Variants in CSMD1 observed in about 807,000 individuals in gnomAD.
CSMD1 encodes the protein CUB and Sushi multiple domains 1, also known as CUB and sushi domain-containing protein 1.
Under a neutral mutation model 417.5 loss-of-function variants are expected in CSMD1, and 213 were observed. That is an observed-to-expected ratio of 0.51 (90% confidence interval 0.46 to 0.57). The LOEUF (loss-of-function observed/expected upper bound fraction) is 0.57, where lower values mean the gene tolerates loss of function less well. Ranked by LOEUF, CSMD1 falls within the 20% of genes least tolerant of loss-of-function variation. The pLI, the probability that CSMD1 is intolerant of heterozygous loss-of-function variation, is 0.00. For missense variants in CSMD1, 6,923 were observed against 4,529.7 expected (o/e 1.53, Z -15.17); for synonymous variants, 2,862 against 1,736.8 (o/e 1.65, Z -16.11).
intron 51 of CSMD1, among the ~76,000 whole-genome samples, chr8:3,019,092 A>AT (rs1809129228): frequency 6.6e-6 from 1 of 152,018 alleles, no homozygotes; most frequent in South Asian, 2.1e-4. Context: ...TAATTTTTGT[A>AT]TTTTTAGTAG....
chr8:4,157,637 G>T (rs752325652), intron 3 of CSMD1, among the ~76,000 whole-genome samples: 1 of 152,156 alleles, frequency 6.6e-6, no homozygotes, highest in Admixed American at 6.5e-5. Flanking sequence ...TTTCAGAACA[G>T]CTCAGACCTC....
intron 1 of CSMD1, among the ~76,000 whole-genome samples, chr8:4,979,299 T>C (rs1421029171): frequency 1.3e-5 from 2 of 152,216 alleles, no homozygotes. Flanking sequence ...GCTTTTTACA[T>C]GTGTTTCTTC....
In CSMD1 at chr8:3,682,607, G is replaced by C. The variant is rs536630508; in HGVS notation, c.1009+25807C>G. Among the ~76,000 whole-genome samples, 201 of 152,292 alleles carry C rather than the reference G, an allele frequency of 1.3e-3. 2 individuals are homozygous for C. The highest frequency in any genetic ancestry group is 4.6e-3 in the African/African-American group (193 of 41,562). ...ACACTGTTGGTGGGACTGTAAACTA[G>C]TTCAACCATTGTGGAAGACAGTGTG... On this transcript the variant is annotated intron_variant, in intron 7 of 69. Coordinates refer to ENST00000635120, the MANE Select transcript of CSMD1 (RefSeq NM_033225.6).
At chr8:4,554,789 C>A (rs1178461082) in intron 2 of CSMD1, among the ~76,000 whole-genome samples, 1 of 152,200 alleles carries the variant, frequency 6.6e-6, no homozygotes, top group Non-Finnish European at 1.5e-5. Flanking sequence ...CATGAGCCAG[C>A]AGCGTCCGTC....
chr8:3,349,556 CG>C (rs1340073971), intron 21 of CSMD1, among the ~76,000 whole-genome samples: 1 of 151,016 alleles, frequency 6.6e-6, no homozygotes, highest in Non-Finnish European at 1.5e-5. Context: ...AGTGTTGAGG[CG>C]GAAGTGCAGG....
chr8:4,716,793 G>A (rs1050129443), intron 1 of CSMD1, among the ~76,000 whole-genome samples: 2 of 152,074 alleles, frequency 1.3e-5, no homozygotes, highest in South Asian at 2.1e-4. Context: ...TCAGTGTCTC[G>A]CCTTTTTCCT....
chr8:4,040,444 G>A (rs780320908), intron 3 of CSMD1, among the ~76,000 whole-genome samples: 2 of 152,186 alleles, frequency 1.3e-5, no homozygotes, highest in African/African-American at 2.4e-5. Context: ...ACTGGTAGTA[G>A]AGCTTGCATA....
At chr8:4,803,409 C>A (rs1392656224) in intron 1 of CSMD1, among the ~76,000 whole-genome samples, 3 of 152,148 alleles carry the variant, frequency 2.0e-5, no homozygotes, top group African/African-American at 7.2e-5. Context: ...GATACCCAGT[C>A]TAGATTTGTC....
chr8:3,286,605 T>C (rs962900894), intron 25 of CSMD1, among the ~76,000 whole-genome samples: 1 of 151,980 alleles, frequency 6.6e-6, no homozygotes, highest in Non-Finnish European at 1.5e-5. Flanking sequence ...TCATATGTTT[T>C]TTGGCTGCAT....
At chr8:3,941,250 G>A (rs1260282636) in intron 5 of CSMD1, among the ~76,000 whole-genome samples, 1 of 152,066 alleles carries the variant, frequency 6.6e-6, no homozygotes, top group Non-Finnish European at 1.5e-5. Context: ...TAAACATTTA[G>A]CTGAAACCTG....
chr8:3,794,286 G>C (rs149032240), intron 5 of CSMD1, among the ~76,000 whole-genome samples: 3 of 152,192 alleles, frequency 2.0e-5, no homozygotes, highest in South Asian at 2.1e-4. Context: ...AGTATTCCTA[G>C]GTGTAGCGAC....
chr8:4,830,326 C>A (rs1243220149), intron 1 of CSMD1, among the ~76,000 whole-genome samples: 2 of 152,194 alleles, frequency 1.3e-5, no homozygotes, highest in Non-Finnish European at 2.9e-5. Context: ...TTTCTCACTG[C>A]CAGCATCTAC....
At chr8:3,326,800 GCTTT>G (rs1479068730) in intron 23 of CSMD1, among the ~76,000 whole-genome samples, 1 of 152,078 alleles carries the variant, frequency 6.6e-6, no homozygotes, top group Non-Finnish European at 1.5e-5. Flanking sequence ...TATTTTATAG[GCTTT>G]CTTTTCTTAT....
chr8:4,659,443 G>A (rs1430361964), intron 1 of CSMD1, among the ~76,000 whole-genome samples: 1 of 152,130 alleles, frequency 6.6e-6, no homozygotes, highest in Non-Finnish European at 1.5e-5. Flanking sequence ...GACTTGCAGT[G>A]GAATACCACT....
At chr8:4,037,880 A>G (rs1032711067) in intron 3 of CSMD1, among the ~76,000 whole-genome samples, 22 of 152,110 alleles carry the variant, frequency 1.4e-4, no homozygotes, top group African/African-American at 4.8e-4. Flanking sequence ...CATACGTACA[A>G]TAACTGAAAT....
intron 3 of CSMD1, among the ~76,000 whole-genome samples, chr8:4,169,783 T>G (rs1797663410): frequency 6.6e-6 from 1 of 152,146 alleles, no homozygotes; most frequent in Non-Finnish European, 1.5e-5. Context: ...TTCTTTACCG[T>G]TAAACGTATC....
intron 3 of CSMD1, among the ~76,000 whole-genome samples, chr8:4,204,041 C>A (rs116643890): frequency 6.6e-6 from 1 of 152,104 alleles, no homozygotes; most frequent in African/African-American, 2.4e-5. Context: ...GCAGAAGTTG[C>A]GGTGAGCTGA....
chr8:4,076,922 G>T (rs1246366507), intron 3 of CSMD1, among the ~76,000 whole-genome samples: 1 of 151,940 alleles, frequency 6.6e-6, no homozygotes, highest in African/African-American at 2.4e-5. Context: ...CTATAACATG[G>T]ATATCAGTAA....
At chr8:4,088,428 C>G (rs1026723839) in intron 3 of CSMD1, among the ~76,000 whole-genome samples, 1 of 152,222 alleles carries the variant, frequency 6.6e-6, no homozygotes, top group Non-Finnish European at 1.5e-5. Flanking sequence ...TCCAAACTCA[C>G]TGAATTTCTC....
Sources: gnomAD v4.1 joint callset for allele counts (sites outside exome capture counted in the v4.1 genomes callset) on GRCh38, gnomAD v4.1.1 for gene constraint, MANE v1.5 for transcripts, NCBI Gene and HGNC (gene_info 2026-07-23, HGNC 2026-07-21) for gene names.